Variants in METAP1D observed in about 807,000 individuals in gnomAD.
METAP1D encodes methionine aminopeptidase 1D, mitochondrial.
A neutral mutation model predicts 40.5 loss-of-function variants in METAP1D; 31 were observed. The observed-to-expected ratio is 0.77, with a 90% CI of 0.58 to 1.03. The LOEUF (loss-of-function observed/expected upper bound fraction) is 1.03. METAP1D is among the 50% of genes least tolerant of loss of function. METAP1D has a pLI of 0.00. For synonymous variants in METAP1D, 151 were observed against 146.4 expected (o/e 1.03, Z -0.22); for missense variants, 411 against 420.7 (o/e 0.98, Z 0.20).
chr2:172,024,047 G>T (rs1353504121), intron 1 of METAP1D, among the ~76,000 whole-genome samples: 1 of 152,058 alleles, frequency 6.6e-6, no homozygotes, highest in East Asian at 1.9e-4. Flanking sequence ...TTTTAGTAGA[G>T]ATGGGGTTTC....
At chr2:172,070,638 T>C (rs188602223) in intron 5 of METAP1D, 51 of 161,812 alleles carry the variant, frequency 3.2e-4, no homozygotes, top group South Asian at 1.8e-3. Flanking sequence ...GGAATCAAAA[T>C]ATTACAGTAG....
intron 6 of METAP1D, among the ~76,000 whole-genome samples, chr2:172,072,829 T>C (rs1294175475): frequency 1.3e-5 from 2 of 152,176 alleles, no homozygotes; most frequent in African/African-American, 4.8e-5. Context: ...GCAACTCCAG[T>C]AGCCTTTCTC....
At chr2:172,002,828 T>TATGAGC (rs1186123629) in intron 1 of METAP1D, among the ~76,000 whole-genome samples, 2 of 152,314 alleles carry the variant, frequency 1.3e-5, no homozygotes, top group Admixed American at 1.3e-4. Flanking sequence ...TATCAGCATT[T>TATGAGC]ATGAGCATCA....
At chr2:172,032,942 C>G (rs1689272582) in intron 1 of METAP1D, among the ~76,000 whole-genome samples, 1 of 151,926 alleles carries the variant, frequency 6.6e-6, no homozygotes, top group Non-Finnish European at 1.5e-5. Context: ...GTCTGTAGTC[C>G]CAGCTACTCG....
At chr2:172,033,165 T>C (rs1689279135) in intron 1 of METAP1D, among the ~76,000 whole-genome samples, 1 of 151,550 alleles carries the variant, frequency 6.6e-6, no homozygotes, top group African/African-American at 2.4e-5. Flanking sequence ...CAGAGAAACA[T>C]ATTAATTGAC....
At chr2:172,074,850 A>G (rs1298300035) in intron 6 of METAP1D, among the ~76,000 whole-genome samples, 4 of 152,200 alleles carry the variant, frequency 2.6e-5, no homozygotes, top group African/African-American at 9.6e-5. Flanking sequence ...TGTTTATAGG[A>G]TTAATGTAAA....
At chr2:172,043,115 A>ATTTT (rs1553270232) in intron 1 of METAP1D, among the ~76,000 whole-genome samples, 9 of 94,594 alleles carry the variant, frequency 9.5e-5, no homozygotes, top group African/African-American at 2.5e-4. Flanking sequence ...ATATATATAT[A>ATTTT]TATTTTTTGG....
At chr2:172,062,014 C>T (rs1214973375) in intron 2 of METAP1D, 1 of 155,782 alleles carries the variant, frequency 6.4e-6, no homozygotes, top group Non-Finnish European at 1.4e-5. Context: ...AAAGAGATTA[C>T]TTAAAACTAA....
intron 1 of METAP1D, among the ~76,000 whole-genome samples, chr2:172,045,731 G>GTA (rs201826659): frequency 2.4e-4 from 13 of 54,872 alleles, no homozygotes; most frequent in African/African-American, 6.8e-4. Flanking sequence ...GTGTGTGTGT[G>GTA]TATATATATG....
chr2:172,065,875 T>G, intron 4 of METAP1D, 123 bp downstream of exon 4: 2 of 1,084,500 alleles, frequency 1.8e-6, no homozygotes, highest in Non-Finnish European at 2.6e-6. Flanking sequence ...TGAAATTGAT[T>G]ATGATAAAAC....
At chr2:172,051,886 A>G (rs534604185) in intron 1 of METAP1D, among the ~76,000 whole-genome samples, 2 of 152,302 alleles carry the variant, frequency 1.3e-5, no homozygotes, top group South Asian at 2.1e-4. Flanking sequence ...GCAGTAAACA[A>G]CTAGGATAAA....
rs570064405 is a variant in METAP1D at position 172,042,236 on chromosome 2, T to C, written c.41-19262T>C. ...ATGTGTACATGTGTACACATATACA[T>C]ATGTATGTGTACATGTGTACACATA... On this transcript the variant is annotated intron_variant, in intron 1 of 9. Transcript: ENST00000315796. 1.3e-3 allele frequency among the ~76,000 whole-genome samples: 59 copies of C among 45,776 alleles called. 2 individuals carry two copies. Among genetic ancestry groups the C allele is most frequent in the African/African-American group, 3.2e-3 (52 of 16,268 alleles). The allele number at this position is 45,776 out of a possible 152,430, so 30.0% of individuals were successfully genotyped here.
chr2:172,050,328 AT>A (rs1344090774), intron 1 of METAP1D, among the ~76,000 whole-genome samples: 6 of 152,168 alleles, frequency 3.9e-5, no homozygotes, highest in Non-Finnish European at 8.8e-5. Context: ...GTTATTGGGC[AT>A]TTTAATACAA....
chr2:172,032,356 T>A lies in METAP1D; in HGVS notation c.41-29142T>A, dbSNP rs982366905. Among the ~76,000 whole-genome samples, 105 of 152,244 alleles carry A rather than the reference T, an allele frequency of 6.9e-4. 1 individual carries two copies. Among genetic ancestry groups the A allele is most frequent in the African/African-American group, 2.4e-3 (99 of 41,464 alleles). ...ATTCTTATTTCAAAGTGAAATTATG[T>A]TTCACTTGACTCAACCTTCCCTGTA... On this transcript the variant is annotated intron_variant, in intron 1 of 9. Coordinates refer to ENST00000315796, the MANE Select transcript of METAP1D (RefSeq NM_199227.3).
At chr2:172,063,893 A>G (rs762122022) in intron 3 of METAP1D, 33 bp downstream of exon 3, 5 of 1,556,690 alleles carry the variant, frequency 3.2e-6, no homozygotes, top group African/African-American at 1.4e-5. Flanking sequence ...AACGACTTAC[A>G]TAAGGGGCAA....
chr2:172,047,194 T>A (rs896065233), intron 1 of METAP1D, among the ~76,000 whole-genome samples: 2 of 152,218 alleles, frequency 1.3e-5, no homozygotes, highest in Admixed American at 1.3e-4. Flanking sequence ...GTGCTTGAAA[T>A]GTAAATAAGT....
intron 1 of METAP1D, among the ~76,000 whole-genome samples, chr2:172,037,294 G>GGTGTGTGT (rs4027462): frequency 1.3e-5 from 2 of 149,114 alleles, no homozygotes; most frequent in Admixed American, 6.7e-5. Context: ...TTTTACTTGG[G>GGTGTGTGT]GTGTGTGTGT....
intron 1 of METAP1D, among the ~76,000 whole-genome samples, chr2:172,038,256 G>A (rs1051532485): frequency 5.3e-5 from 8 of 152,030 alleles, no homozygotes; most frequent in African/African-American, 1.7e-4. Flanking sequence ...TGTTTTCATT[G>A]CAATTGTGTA....
chr2:172,024,412 CATTACCAA>C (rs1689076652), intron 1 of METAP1D, among the ~76,000 whole-genome samples: 1 of 151,982 alleles, frequency 6.6e-6, no homozygotes, highest in African/African-American at 2.4e-5. Flanking sequence ...GCTGAAAGAC[CATTACCAA>C]GCATGGAGGC....
Sources: gnomAD v4.1 joint callset for allele counts (sites outside exome capture counted in the v4.1 genomes callset) on GRCh38, gnomAD v4.1.1 for gene constraint, MANE v1.5 for transcripts, NCBI Gene and HGNC (gene_info 2026-07-23, HGNC 2026-07-21) for gene names.